The following HERC4 variants were observed in gnomAD, a reference collection of about 807,000 sequenced individuals.
HERC4 encodes the protein probable E3 ubiquitin-protein ligase HERC4.
HERC4 carries 28 observed loss-of-function variants against 124.3 expected under a neutral mutation model. That is an observed-to-expected ratio of 0.23 (90% CI 0.17 to 0.31). HERC4 has a LOEUF of 0.31. HERC4 is among the 10% of genes least tolerant of loss of function. HERC4 has a pLI of 1.00. For missense variants in HERC4, 713 were observed against 1,229.3 expected, an observed-to-expected ratio of 0.58 and a Z score of 6.28; for synonymous variants, 407 against 421.5, an observed-to-expected ratio of 0.97 and a Z score of 0.42.
chr10:68,021,072 T>C (rs933412200), intron 8 of HERC4, among the ~76,000 whole-genome samples: 14 of 152,082 alleles, frequency 9.2e-5, no homozygotes, highest in Non-Finnish European at 1.8e-4. Flanking sequence ...GGGAAAGACA[T>C]GAATCTAAAC....
At chr10:67,960,544 C>T (rs2132369915) in intron 16 of HERC4, among the ~76,000 whole-genome samples, 1 of 152,248 alleles carries the variant, frequency 6.6e-6, no homozygotes, top group South Asian at 2.1e-4. Flanking sequence ...TGCCACCACG[C>T]CTAGCTAATT....
At chr10:67,947,496 CTAAGA>C (rs2033458322) in intron 19 of HERC4, among the ~76,000 whole-genome samples, 1 of 151,600 alleles carries the variant, frequency 6.6e-6, no homozygotes, top group African/African-American at 2.4e-5. Context: ...ATAGACAGTT[CTAAGA>C]TAATAACTGG....
chr10:68,021,366 A>T (rs2038614040), intron 8 of HERC4, among the ~76,000 whole-genome samples: 1 of 152,236 alleles, frequency 6.6e-6, no homozygotes. Context: ...AAATTAACAG[A>T]TTGAAGGAGG....
chr10:68,004,441 T>C (rs1036744168), intron 9 of HERC4, among the ~76,000 whole-genome samples: 2 of 152,250 alleles, frequency 1.3e-5, no homozygotes, highest in African/African-American at 4.8e-5. Flanking sequence ...TGCCTGTGCT[T>C]GTGGGGTATC....
At chr10:67,928,251 C>CTGTT (rs1319134600) in intron 23 of HERC4, among the ~76,000 whole-genome samples, 1 of 152,056 alleles carries the variant, frequency 6.6e-6, no homozygotes, top group Non-Finnish European at 1.5e-5. Context: ...TGATGAGAAG[C>CTGTT]TGTTATATCA....
chr10:67,986,566 A>G (rs1336986946), intron 15 of HERC4, among the ~76,000 whole-genome samples: 1 of 152,084 alleles, frequency 6.6e-6, no homozygotes, highest in East Asian at 1.9e-4. Flanking sequence ...CATGTTGGCC[A>G]GGTTGGTCTC....
intron 9 of HERC4, chr10:68,010,868 T>C: frequency 6.6e-7 from 1 of 1,507,062 alleles, no homozygotes; most frequent in Non-Finnish European, 9.2e-7. Flanking sequence ...AGCTTTGAGA[T>C]GTCCTGGGAC....
intron 15 of HERC4, among the ~76,000 whole-genome samples, chr10:67,970,916 G>T (rs906028684): frequency 2.6e-4 from 40 of 151,710 alleles, no homozygotes; most frequent in African/African-American, 9.0e-4. Context: ...AGAAATCAAT[G>T]AAAGAGAAAA....
intron 9 of HERC4, among the ~76,000 whole-genome samples, chr10:67,999,375 T>C (rs1354261033): frequency 6.6e-6 from 1 of 152,156 alleles, no homozygotes; most frequent in Non-Finnish European, 1.5e-5. Context: ...ACCAGAGCAG[T>C]TTTTGTCTGC....
chr10:67,926,350 C>T (rs1258134805), intron 23 of HERC4, among the ~76,000 whole-genome samples: 1 of 151,410 alleles, frequency 6.6e-6, no homozygotes, highest in Non-Finnish European at 1.5e-5. Flanking sequence ...TGAGCCAAGA[C>T]TGTGCCATTG....
intron 8 of HERC4, among the ~76,000 whole-genome samples, chr10:68,024,268 A>G (rs2038790570): frequency 6.6e-6 from 1 of 152,178 alleles, no homozygotes; most frequent in Non-Finnish European, 1.5e-5. Flanking sequence ...AAAGTCTGAC[A>G]ATACTAACTG....
chr10:68,010,165 G>A (rs898016641), intron 9 of HERC4: 26 of 974,810 alleles, frequency 2.7e-5, no homozygotes, highest in Non-Finnish European at 3.9e-5. Context: ...CCTAGCTTCC[G>A]CCCTCTCCCT....
chr10:67,973,145 T>C (rs147816765), intron 15 of HERC4, among the ~76,000 whole-genome samples: 82 of 152,288 alleles, frequency 5.4e-4, no homozygotes, highest in African/African-American at 1.6e-3. Flanking sequence ...TCAATGTTTC[T>C]GTAGGTTTGA....
At chr10:67,928,885 C>A (rs1413541456) in intron 23 of HERC4, among the ~76,000 whole-genome samples, 1 of 151,870 alleles carries the variant, frequency 6.6e-6, no homozygotes, top group Non-Finnish European at 1.5e-5. Flanking sequence ...TGAGCCACTG[C>A]ACTCCAGCCT....
chr10:67,954,986 T>C lies in HERC4; in HGVS notation c.2170A>G (p.Ile724Val), dbSNP rs375821315. 1.6e-5 allele frequency: 25 copies of C among 1,603,726 alleles called. No individual in the cohort carries two copies. Among genetic ancestry groups the C allele is most frequent in the East Asian group, 1.1e-4 (5 of 43,866 alleles). The change falls in exon 18 of 25, where the codon ATA (isoleucine) becomes GTA (valine). Residue 724 changes from isoleucine to valine, a missense_variant. Coordinates refer to ENST00000373700, the MANE Select transcript of HERC4 (RefSeq NM_015601.4). ...AMEVLRKTKNIDYKKPLKVIF... is the reference protein window; with the variant it reads ...AMEVLRKTKNVDYKKPLKVIF... ...ACCTTGAGTGGCTTCTTGTAATCTA[T>C]GTTCTTTGTTTTCCTAAGGACTTCC...
chr10:67,928,945 A>T (rs917690613), intron 23 of HERC4, among the ~76,000 whole-genome samples: 3 of 151,776 alleles, frequency 2.0e-5, no homozygotes, highest in African/African-American at 4.8e-5. Context: ...TTGCCTCCTG[A>T]CAATCCTGTC....
chr10:67,992,359 ATAT>A, intron 10 of HERC4, 36 bp from the exon 11 acceptor site: 3 of 1,597,872 alleles, frequency 1.9e-6, no homozygotes, highest in Non-Finnish European at 2.6e-6. Context: ...GAGGGAAGAG[ATAT>A]TATATATAAC....
intron 14 of HERC4, among the ~76,000 whole-genome samples, chr10:67,989,889 C>T (rs184008073): frequency 9.6e-4 from 141 of 147,606 alleles, no homozygotes; most frequent in African/African-American, 3.7e-3. Context: ...TTAATTGTTC[C>T]TCCTCCTTTA....
At chr10:68,070,403 T>A in intron 3 of HERC4, 1 of 334,618 alleles carries the variant, frequency 3.0e-6, no homozygotes, top group South Asian at 1.2e-4. Context: ...GGTCAGGAGT[T>A]CGAGACCAGC....
Sources: gnomAD v4.1 joint callset for allele counts (sites outside exome capture counted in the v4.1 genomes callset) on GRCh38, gnomAD v4.1.1 for gene constraint, MANE v1.5 for transcripts, NCBI Gene and HGNC (gene_info 2026-07-23, HGNC 2026-07-21) for gene names.